Variants in RASGRP3 observed in about 807,000 individuals in gnomAD.
The protein encoded by RASGRP3 is ras guanyl-releasing protein 3.
A neutral mutation model predicts 82.7 loss-of-function variants in RASGRP3; 54 were observed. The observed-to-expected ratio is 0.65, with a 90% confidence interval of 0.52 to 0.82. RASGRP3 has a LOEUF of 0.82. Among genes scored for constraint, RASGRP3 ranks in the 40% least tolerant of loss-of-function variants. The pLI is 0.00. For missense variants in RASGRP3, 861 were observed against 828.9 expected, an observed-to-expected ratio of 1.04 and a Z score of -0.48; for synonymous variants, 309 against 300.5, an observed-to-expected ratio of 1.03 and a Z score of -0.29.
chr2:33,551,918 G>C (rs981439620), intron 14 of RASGRP3, among the ~76,000 whole-genome samples: 3 of 152,136 alleles, frequency 2.0e-5, no homozygotes, highest in Non-Finnish European at 1.5e-5. Context: ...GCGTGAACCC[G>C]GGAGGCGGAG....
intron 11 of RASGRP3, among the ~76,000 whole-genome samples, chr2:33,537,332 A>C (rs796686395): frequency 0.075 from 5,156 of 68,848 alleles, 265 homozygotes; most frequent in Middle Eastern, 0.13. Flanking sequence ...CGCCCCCCCC[A>C]CACACACACA....
intron 2 of RASGRP3, among the ~76,000 whole-genome samples, chr2:33,468,267 T>A (rs1666841375): frequency 1.3e-5 from 2 of 152,154 alleles, no homozygotes; most frequent in Non-Finnish European, 2.9e-5. Context: ...ATTAAAAATT[T>A]GATATATAAT....
rs115489963 is a variant in RASGRP3 at position 33,495,463 on chromosome 2, C to T, written c.-260-16247C>T. On this transcript the variant is annotated intron_variant, in intron 1 of 17. Coordinates refer to ENST00000403687, the MANE Select transcript of RASGRP3 (RefSeq NM_001139488.2). ...GCTCAGGCAGTAATGTTCCCTCACC[C>T]GCATTCACCTCCTGCCGGGCAGCTT... Among the ~76,000 whole-genome samples, 512 of 152,288 alleles carry T rather than the reference C, an allele frequency of 3.4e-3. 1 individual carries two copies. The highest frequency in any genetic ancestry group is 0.011 in the African/African-American group (475 of 41,554).
At chr2:33,490,452 C>A (rs1474182471) in intron 1 of RASGRP3, among the ~76,000 whole-genome samples, 2 of 152,228 alleles carry the variant, frequency 1.3e-5, no homozygotes, top group African/African-American at 4.8e-5. Context: ...TCTAAAAAAG[C>A]AGATCATTTC....
intron 4 of RASGRP3, among the ~76,000 whole-genome samples, chr2:33,518,710 T>A (rs965404527): frequency 7.2e-5 from 10 of 138,500 alleles, no homozygotes; most frequent in Non-Finnish European, 1.3e-4. Flanking sequence ...TCTATTTAAA[T>A]TTTTTTTTTT....
At chr2:33,502,047 C>A (rs1328092047) in intron 1 of RASGRP3, among the ~76,000 whole-genome samples, 1 of 152,104 alleles carries the variant, frequency 6.6e-6, no homozygotes, top group African/African-American at 2.4e-5. Flanking sequence ...AAGAGAGGAT[C>A]AAATAGAACC....
At chr2:33,516,095 C>T (rs1367677803) in intron 3 of RASGRP3, among the ~76,000 whole-genome samples, 1 of 152,172 alleles carries the variant, frequency 6.6e-6, no homozygotes, top group Admixed American at 6.5e-5. Context: ...CAAGGAAATA[C>T]TAGCCGAAGT....
At chr2:33,554,855 G>A (rs573993791) in intron 14 of RASGRP3, among the ~76,000 whole-genome samples, 3 of 152,222 alleles carry the variant, frequency 2.0e-5, no homozygotes, top group Admixed American at 2.0e-4. Flanking sequence ...AACCCCCTGG[G>A]CAAACGCTCC....
chr2:33,556,925 A>ACACACG (rs1676040058), intron 15 of RASGRP3, among the ~76,000 whole-genome samples: 1 of 146,924 alleles, frequency 6.8e-6, no homozygotes, highest in Non-Finnish European at 1.5e-5. Context: ...ACACACACAC[A>ACACACG]CACGCAATTT....
chr2:33,512,039 C>T (rs79067366), intron 2 of RASGRP3, among the ~76,000 whole-genome samples, 197 bp downstream of exon 2: 15,724 of 152,084 alleles, frequency 0.1, 1,107 homozygotes, highest in African/African-American at 0.21. Context: ...AAGCCTTATT[C>T]TGAAAAAGGT....
At chr2:33,549,236 A>G (rs1168149992) in intron 13 of RASGRP3, among the ~76,000 whole-genome samples, 1 of 152,166 alleles carries the variant, frequency 6.6e-6, no homozygotes, top group African/African-American at 2.4e-5. Context: ...TTTCTCCATC[A>G]TCCTAATTCT....
chr2:33,520,809 C>A, intron 6 of RASGRP3, 125 bp downstream of exon 6: 3 of 1,360,676 alleles, frequency 2.2e-6, no homozygotes, highest in Admixed American at 2.0e-5. Context: ...GTGAGGAAAG[C>A]CTTGCTGCAG....
At chr2:33,467,140 A>G (rs188504775) in intron 2 of RASGRP3, among the ~76,000 whole-genome samples, 6 of 152,232 alleles carry the variant, frequency 3.9e-5, no homozygotes, top group African/African-American at 1.4e-4. Context: ...GCCTTTCTAC[A>G]TGTTCCTCTT....
chr2:33,443,535 C>T (rs1665339263), intron 1 of RASGRP3, among the ~76,000 whole-genome samples: 1 of 152,040 alleles, frequency 6.6e-6, no homozygotes, highest in Non-Finnish European at 1.5e-5. Flanking sequence ...TCGGCAGCAG[C>T]TCTGACTTCC....
At chr2:33,539,755 A>T (rs1674048745) in intron 12 of RASGRP3, 2 of 152,096 alleles carry the variant, frequency 1.3e-5, no homozygotes, top group African/African-American at 4.8e-5. Context: ...TAATCCCAGC[A>T]CTTGGGAGGC....
chr2:33,441,075 T>G (rs1665199951), intron 1 of RASGRP3, among the ~76,000 whole-genome samples: 1 of 152,022 alleles, frequency 6.6e-6, no homozygotes, highest in African/African-American at 2.4e-5. Context: ...TATTTTTTAG[T>G]AGAAACAGGG....
rs116689380 is a variant in RASGRP3 at position 33,466,703 on chromosome 2, G to A, written c.-261+18760G>A. On this transcript the variant is annotated intron_variant, in intron 2 of 18. Transcript: ENST00000402538. The stretch of plus-strand genomic sequence containing the variant: ...TCAAAAAAAAAAAAAAGATTTCAGC[G>A]GAGGAGGTAACTGCAGATGCAGGGG... 9.1e-3 allele frequency among the ~76,000 whole-genome samples: 1,380 copies of A among 151,944 alleles called. 24 individuals are homozygous for A. The highest frequency in any genetic ancestry group is 0.031 in the African/African-American group (1,299 of 41,448).
rs141398407 is a variant in RASGRP3 at position 33,459,577 on chromosome 2, T to C, written c.-261+11634T>C. The stretch of plus-strand genomic sequence containing the variant: ...TTTTAATCAGTTTTAACTATTATAA[T>C]AGGGAAAACAGTCTAGTGTGAACTG... On this transcript the variant is annotated intron_variant, in intron 2 of 18. Transcript: ENST00000402538. Among the ~76,000 whole-genome samples, 226 of 149,394 alleles carry C rather than the reference T, an allele frequency of 1.5e-3. 2 individuals carry two copies. The highest frequency in any genetic ancestry group is 5.5e-3 in the African/African-American group (215 of 38,764).
rs574134025 is a variant in RASGRP3 at position 33,487,853 on chromosome 2, G to A, written c.-261+11146G>A. On this transcript the variant is annotated intron_variant, in intron 1 of 17. Coordinates refer to ENST00000403687, the MANE Select transcript of RASGRP3 (RefSeq NM_001139488.2). Reference sequence around the variant, plus strand: ...GGTGGCTCATGCTTGTAATTCTAGCGCTTTGAGAGGCTGAAGCAGGAGGAT... The same window carrying A: ...GGTGGCTCATGCTTGTAATTCTAGCACTTTGAGAGGCTGAAGCAGGAGGAT... 4.9e-4 allele frequency among the ~76,000 whole-genome samples: 74 copies of A among 152,266 alleles called. 1 individual carries two copies. Among genetic ancestry groups the A allele is most frequent in the Admixed American group, 3.9e-3 (59 of 15,298 alleles).
Sources: allele counts gnomAD v4.1 joint callset (sites outside exome capture counted in the v4.1 genomes callset), GRCh38; gene constraint gnomAD v4.1.1; transcripts MANE v1.5; gene names NCBI Gene and HGNC (gene_info 2026-07-23, HGNC 2026-07-21).